Variants in AKAP11 observed in about 807,000 individuals in gnomAD.
AKAP11 encodes A-kinase anchor protein 11.
Under a neutral mutation model 146.1 loss-of-function variants are expected in AKAP11, and 36 were observed. The ratio of observed to expected loss-of-function variants is 0.25; its 90% CI spans 0.19 to 0.33. The LOEUF (loss-of-function observed/expected upper bound fraction) is 0.33, where lower values mean the gene tolerates loss of function less well. Ranked by LOEUF, AKAP11 falls within the 10% of genes least tolerant of loss-of-function variation. The pLI is 1.00. For synonymous variants in AKAP11, 780 were observed against 786.5 expected (o/e 0.99, Z 0.14); for missense variants, 2,201 against 2,197.0 (o/e 1.00, Z -0.04).
intron 11 of AKAP11, among the ~76,000 whole-genome samples, chr13:42,317,148 G>T (rs978569968): frequency 6.6e-6 from 1 of 152,156 alleles, no homozygotes; most frequent in Non-Finnish European, 1.5e-5. Flanking sequence ...AGAGTGCTGG[G>T]ATTACAGGCC....
Position 42,319,334 on chromosome 13 carries a change from A to T in AKAP11, c.*106A>T, listed in dbSNP as rs1202452261. On this transcript the variant is annotated 3_prime_UTR_variant, in exon 13 of 13. Transcript: ENST00000025301. Reference sequence around the variant, plus strand: ...ATAGTGAATATTAACATCGTAAGTCAGTTGGGAGGCAAGTAAATATAGCTT... The same window carrying T: ...ATAGTGAATATTAACATCGTAAGTCTGTTGGGAGGCAAGTAAATATAGCTT... 2 of 1,406,146 alleles carry T rather than the reference A, an allele frequency of 1.4e-6. No homozygotes were observed. Among genetic ancestry groups the T allele is most frequent in the South Asian group, 1.4e-5 (1 of 70,960 alleles). 87.1% of individuals were successfully genotyped at this position (1,406,146 alleles called of 1,614,324 possible).
At chr13:42,315,972 G>A (rs1160178227) in intron 11 of AKAP11, among the ~76,000 whole-genome samples, 3 of 152,176 alleles carry the variant, frequency 2.0e-5, no homozygotes, top group Admixed American at 2.0e-4. Context: ...CAGGCAACCA[G>A]GAGTCCTGAA....
rs1159098199 is a variant in AKAP11, at chr13:42,302,913, G to T, written c.4167G>T (p.Val1389=). ...AGGAAGCAGCTAAGACAACCAAAGT[G>T]CAGTGCAACTCAAGAATGTTCCCTG... is the stretch of plus-strand genomic sequence containing the variant. ...GLQEAAKTTK[V]QCNSRMFPVP... Residue 1389 remains valine (V), a synonymous_variant, in exon 8 of 13, where the codon GTG becomes GTT. Transcript: ENST00000025301. The T allele has an allele frequency of 4.3e-6, 7 of 1,613,782 alleles. No homozygotes were observed. Among genetic ancestry groups the T allele is most frequent in the Non-Finnish European group, 5.9e-6 (7 of 1,179,992 alleles).
intron 1 of AKAP11, among the ~76,000 whole-genome samples, chr13:42,274,946 C>G (rs990967229): frequency 6.6e-6 from 1 of 152,244 alleles, no homozygotes; most frequent in Admixed American, 6.5e-5. Flanking sequence ...AAAGTTAGTG[C>G]GAAGCACATA....
In AKAP11 at chr13:42,286,388, T is replaced by A; in HGVS notation, c.40T>A (p.Ser14Thr). The A allele has an allele frequency of 6.2e-7, 1 of 1,601,010 alleles. No individual in the cohort carries two copies. Among genetic ancestry groups the A allele is most frequent in the South Asian group, 1.1e-5 (1 of 88,118 alleles). The change falls in exon 3 of 13, where the codon TCT (serine) becomes ACT (threonine). Residue 14 changes from serine to threonine, a missense_variant. Physicochemically the swap from Ser to Thr is moderately conservative, Grantham distance 58 (BLOSUM62 1). This residue lies in a region of AKAP11 where 331 missense variants were observed against 347.4 expected (regional missense o/e 0.95). Transcript: ENST00000025301. Reference sequence around the variant, plus strand: ...AAACAATCACATGAAGACTAAAGCATCTGTCAGAAAAGTAAGTTCACTCTA... The same window carrying A: ...AAACAATCACATGAAGACTAAAGCAACTGTCAGAAAAGTAAGTTCACTCTA... ...FRNNHMKTKA[S>T]VRKSFSEDVF...
At chr13:42,298,873 G>C in intron 7 of AKAP11, 76 bp downstream of exon 7, 2 of 1,408,796 alleles carry the variant, frequency 1.4e-6, no homozygotes, top group Non-Finnish European at 1.9e-6. Flanking sequence ...AGGCAGGCTT[G>C]TTCAGTTGAA....
intron 5 of AKAP11, among the ~76,000 whole-genome samples, chr13:42,296,123 C>G (rs7321671): frequency 0.37 from 56,840 of 152,006 alleles, 11,085 homozygotes; most frequent in East Asian, 0.63. Context: ...AGTTCCTGTA[C>G]ATATGATAGG....
Position 42,302,210 on chromosome 13 carries a change from A to G in AKAP11, c.3464A>G (p.Asn1155Ser). Residue 1155 changes from asparagine (N) to serine (S), a missense_variant, in exon 8 of 13, where the codon AAT becomes AGT. This residue lies in a region of AKAP11 where 1,867 missense variants were observed against 1,833.5 expected (regional missense o/e 1.02). Transcript: ENST00000025301. ...GGTAGTTTGTCTGAGAATGAACAAAATACTATAGAAAAAGAAGAGTTCATG... is the reference window on the plus strand; with the variant it reads ...GGTAGTTTGTCTGAGAATGAACAAAGTACTATAGAAAAAGAAGAGTTCATG... ...SVGSLSENEQ[N>S]TIEKEEFMLK... 1 of 1,614,210 alleles carries G rather than the reference A, an allele frequency of 6.2e-7. No homozygotes were observed. The highest frequency in any genetic ancestry group is 1.3e-5 in the African/African-American group (1 of 75,070).
chr13:42,295,394 A>G (rs548816104), intron 4 of AKAP11, among the ~76,000 whole-genome samples: 1 of 152,246 alleles, frequency 6.6e-6, no homozygotes, highest in South Asian at 2.1e-4. Flanking sequence ...GTGGGAGAGG[A>G]TTGTACTAGT....
Position 42,322,326 on chromosome 13 carries a change from G to A in AKAP11, c.*3098G>A, listed in dbSNP as rs960494972. The A allele has an allele frequency of 6.6e-6, 1 of 152,280 alleles. No individual in the cohort carries two copies. The highest frequency in any genetic ancestry group is 1.5e-5 in the Non-Finnish European group (1 of 67,998). The allele number at this position is 152,280 out of a possible 1,614,324, so 9.4% of individuals were successfully genotyped here. On this transcript the variant is annotated 3_prime_UTR_variant, in exon 13 of 13. Transcript: ENST00000025301. ...TGCACTATGTATAAAGTGAAAGATA[G>A]TTTACTTATCTGACTTTGATATTAG...
chr13:42,284,322 A>G (rs934918078), intron 1 of AKAP11, among the ~76,000 whole-genome samples: 2 of 152,232 alleles, frequency 1.3e-5, no homozygotes, highest in East Asian at 3.8e-4. Context: ...CACGCATTAC[A>G]AAACTGCCCT....
rs1436754769 is a variant in AKAP11, at chr13:42,300,870, T to C, written c.2124T>C (p.Val708=). Residue 708 remains valine (V), a synonymous_variant, in exon 8 of 13, where the codon GTT becomes GTC. Transcript: ENST00000025301. The stretch of plus-strand genomic sequence containing the variant: ...AAGCATTCATTGAGCTATCACAAGT[T>C]GATGTGACCTTTACAACAAAGGCAG... ...IQEAFIELSQ[V]DVTFTTKAAV... is the part of the protein sequence containing the mutation. 6.2e-7 allele frequency: 1 copy of C among 1,614,014 alleles called. No homozygotes were observed. The highest frequency in any genetic ancestry group is 1.3e-5 in the African/African-American group (1 of 74,930).
chr13:42,317,406 TA>T (rs1960872643), intron 11 of AKAP11, 121 bp from the exon 12 acceptor site: 1 of 1,026,908 alleles, frequency 9.7e-7, no homozygotes, highest in Middle Eastern at 2.5e-4. Flanking sequence ...AAAAGATGGA[TA>T]TTTTTTTCAC....
At position 42,292,377 on chromosome 13, in the gene AKAP11, C is replaced by T; in HGVS notation, c.52-8C>T. On this transcript the variant is annotated splice_polypyrimidine_tract_variant and splice_region_variant and intron_variant, in intron 3 of 12. Transcript: ENST00000025301. ...ATTTGAAATATCTTTGCTTTCTTTC[C>T]CCTGCAGAGCTTCAGTGAAGATGTG... 6.6e-7 allele frequency: 1 copy of T among 1,510,410 alleles called. No individual in the cohort carries two copies. Among genetic ancestry groups the T allele is most frequent in the Non-Finnish European group, 9.1e-7 (1 of 1,104,004 alleles). The allele number at this position is 1,510,410 out of a possible 1,614,324, so 93.6% of individuals were successfully genotyped here.
At chr13:42,311,213 T>TATA (rs1380104004) in intron 9 of AKAP11, among the ~76,000 whole-genome samples, 2 of 152,192 alleles carry the variant, frequency 1.3e-5, no homozygotes, top group Non-Finnish European at 2.9e-5. Context: ...CTGTAGTACT[T>TATA]ATACCACTGG....
chr13:42,281,251 A>T (rs1305731090), intron 1 of AKAP11, among the ~76,000 whole-genome samples: 1 of 152,234 alleles, frequency 6.6e-6, no homozygotes, highest in Non-Finnish European at 1.5e-5. Flanking sequence ...AAACTTACAT[A>T]CAGAGAGACA....
At chr13:42,314,820 G>T (rs150501579) in intron 11 of AKAP11, among the ~76,000 whole-genome samples, 56 of 151,996 alleles carry the variant, frequency 3.7e-4, no homozygotes, top group African/African-American at 1.3e-3. Context: ...ATAGTTCCAA[G>T]TATGTCAATA....
chr13:42,272,440 T>C (rs1269000932), intron 1 of AKAP11, among the ~76,000 whole-genome samples: 1 of 152,102 alleles, frequency 6.6e-6, no homozygotes, highest in African/African-American at 2.4e-5. Context: ...AGGAGGAAAC[T>C]CACCGCACCG....
At position 42,301,461 on chromosome 13, in the gene AKAP11, T is replaced by A; in HGVS notation, c.2715T>A (p.Asp905Glu). Residue 905 changes from aspartate (D) to glutamate (E), a missense_variant, in exon 8 of 13, where the codon GAT becomes GAA. Coordinates refer to ENST00000025301, the MANE Select transcript of AKAP11 (RefSeq NM_016248.4). ...CAAAAATGGTTGATGAACGTACAGA[T>A]TATTTAACTAAATCTTTAAAGGAGA... ...EVTKMVDERTDYLTKSLKEKT... is the reference protein window; with the variant it reads ...EVTKMVDERTEYLTKSLKEKT... The A allele has an allele frequency of 6.2e-7, 1 of 1,613,412 alleles. No individual in the cohort carries two copies. Among genetic ancestry groups the A allele is most frequent in the African/African-American group, 1.3e-5 (1 of 75,002 alleles).
Sources: gnomAD v4.1 joint callset for allele counts (sites outside exome capture counted in the v4.1 genomes callset) on GRCh38, gnomAD v4.1.1 for gene constraint, gnomAD v4.1.1 regional missense constraint, MANE v1.5 for transcripts, NCBI Gene and HGNC (gene_info 2026-07-23, HGNC 2026-07-21) for gene names.